The following RPS6KA5 variants were observed in gnomAD, a reference collection of about 807,000 sequenced individuals.
RPS6KA5 encodes ribosomal protein S6 kinase alpha-5.
In RPS6KA5, 27 loss-of-function variants were observed where a neutral mutation model predicts 85.5. The observed-to-expected ratio is 0.32, with a 90% CI of 0.23 to 0.44. The LOEUF (loss-of-function observed/expected upper bound fraction) is 0.44. Ranked by LOEUF, RPS6KA5 falls within the 20% of genes least tolerant of loss-of-function variation. The pLI, the probability that RPS6KA5 is intolerant of heterozygous loss-of-function variation, is 1.00. For synonymous variants in RPS6KA5, 334 were observed against 348.2 expected (o/e 0.96, Z 0.46); for missense variants, 811 against 980.9 (o/e 0.83, Z 2.31).
intron 9 of RPS6KA5, among the ~76,000 whole-genome samples, chr14:90,902,474 G>A (rs1007922876): frequency 6.6e-6 from 1 of 152,190 alleles, no homozygotes; most frequent in Non-Finnish European, 1.5e-5. Flanking sequence ...ATCAGAGTGA[G>A]ACCCTGTCTA....
intron 3 of RPS6KA5, among the ~76,000 whole-genome samples, chr14:90,965,596 A>G (rs1288596585): frequency 6.6e-6 from 1 of 152,144 alleles, no homozygotes; most frequent in East Asian, 1.9e-4. Context: ...GCAGTTCACG[A>G]GAGAGGGGTA....
chr14:91,005,882 G>A (rs1293761458), intron 1 of RPS6KA5, among the ~76,000 whole-genome samples: 1 of 152,126 alleles, frequency 6.6e-6, no homozygotes, highest in African/African-American at 2.4e-5. Context: ...CTGTATGTGT[G>A]AGTCATTCAC....
At position 90,869,701 on chromosome 14, in the gene RPS6KA5, T is replaced by C. The variant is rs920883701; in HGVS notation, c.*2373A>G. 5 of 152,222 alleles carry C rather than the reference T, an allele frequency of 3.3e-5. No individual in the cohort carries two copies. Among genetic ancestry groups the C allele is most frequent in the Non-Finnish European group, 5.9e-5 (4 of 68,034 alleles). The allele number at this position is 152,222 out of a possible 1,614,324, so 9.4% of individuals were successfully genotyped here. A position where few individuals can be genotyped will look rare whatever the true frequency, so the allele number is the denominator to read the frequency against. On this transcript the variant is annotated 3_prime_UTR_variant, in exon 17 of 17. Transcript: ENST00000614987. ...AGTGTTTATTTTTGATGTGACCAAA[T>C]GAAAGCTTTCTGAATTTTAAAGTGC...
rs1228360496 is a variant in RPS6KA5, at chr14:90,849,977, C to T, written c.*22097G>A. On this transcript the variant is annotated 3_prime_UTR_variant, in exon 17 of 17. Transcript: ENST00000614987. The stretch of plus-strand genomic sequence containing the variant: ...TTGGGAGGCCCAGGTGGCAGGATCG[C>T]TTGAGCCCAGCCTGGGCAACACTGT... 6.6e-6 allele frequency: 1 copy of T among 152,304 alleles called. No individual in the cohort carries two copies. Among genetic ancestry groups the T allele is most frequent in the Non-Finnish European group, 1.5e-5 (1 of 68,142 alleles). 9.4% of individuals were successfully genotyped at this position (152,304 alleles called of 1,614,324 possible).
chr14:91,037,401 T>C (rs985877108), intron 1 of RPS6KA5, among the ~76,000 whole-genome samples: 3 of 152,230 alleles, frequency 2.0e-5, no homozygotes, highest in African/African-American at 7.2e-5. Context: ...CCTAATGGTA[T>C]CACCATCTGG....
At chr14:91,059,199 G>C (rs1452620879) in intron 1 of RPS6KA5, among the ~76,000 whole-genome samples, 1 of 144,914 alleles carries the variant, frequency 6.9e-6, no homozygotes, top group Admixed American at 6.9e-5. Context: ...AATTAGCCGG[G>C]CATGGTGGCG....
chr14:90,915,568 A>G (rs924229517), intron 7 of RPS6KA5, among the ~76,000 whole-genome samples: 5 of 152,182 alleles, frequency 3.3e-5, no homozygotes, highest in African/African-American at 9.6e-5. Context: ...GCACTTTGGG[A>G]GGCTGAGGCA....
intron 5 of RPS6KA5, among the ~76,000 whole-genome samples, chr14:90,923,868 T>C (rs1018754102): frequency 1.3e-5 from 2 of 152,160 alleles, no homozygotes; most frequent in Non-Finnish European, 2.9e-5. Context: ...TAATATATCA[T>C]GCCTGAAAGT....
At chr14:91,055,047 G>A (rs1363111456) in intron 1 of RPS6KA5, among the ~76,000 whole-genome samples, 1 of 152,148 alleles carries the variant, frequency 6.6e-6, no homozygotes, top group East Asian at 1.9e-4. Flanking sequence ...CACATGAAAA[G>A]ATGCTTGTCA....
intron 5 of RPS6KA5, among the ~76,000 whole-genome samples, chr14:90,923,789 C>T (rs1443488476): frequency 6.6e-6 from 1 of 151,804 alleles, no homozygotes; most frequent in Non-Finnish European, 1.5e-5. Flanking sequence ...ACAAAACTGT[C>T]TTTAAAAAAA....
chr14:90,877,968 A>C (rs1002419678), intron 14 of RPS6KA5, among the ~76,000 whole-genome samples: 1 of 152,232 alleles, frequency 6.6e-6, no homozygotes, highest in Admixed American at 6.5e-5. Context: ...ATGGTTAATA[A>C]GTTTGTCTCT....
intron 1 of RPS6KA5, among the ~76,000 whole-genome samples, chr14:91,050,996 G>C (rs979931043): frequency 6.6e-6 from 1 of 152,192 alleles, no homozygotes; most frequent in Admixed American, 6.5e-5. Flanking sequence ...GGGAGGTCGA[G>C]GCAGGTGGAG....
intron 1 of RPS6KA5, among the ~76,000 whole-genome samples, chr14:91,037,815 T>C (rs1447781345): frequency 1.3e-5 from 2 of 152,212 alleles, no homozygotes; most frequent in Non-Finnish European, 2.9e-5. Flanking sequence ...CCCTTATTCA[T>C]CCTTATTATT....
intron 2 of RPS6KA5, among the ~76,000 whole-genome samples, chr14:90,982,879 C>T (rs1350043160): frequency 1.3e-5 from 2 of 152,032 alleles, no homozygotes; most frequent in African/African-American, 2.4e-5. Flanking sequence ...TTTGGGAGGC[C>T]GAGGCGGGCA....
intron 7 of RPS6KA5, among the ~76,000 whole-genome samples, chr14:90,906,546 T>C (rs954781784): frequency 1.1e-4 from 17 of 152,124 alleles, no homozygotes; most frequent in African/African-American, 4.1e-4. Context: ...TCAATCCTGG[T>C]GGGAGGCTAA....
Position 90,861,521 on chromosome 14 carries a change from C to CAA in RPS6KA5, c.*10551_*10552dup, listed in dbSNP as rs34479269. ...TGGGCGACAGAGCGAGACTCTGTCTCAAAAAAAAAAAAATAATGTCTTATG... is the reference window on the plus strand; with the variant it reads ...TGGGCGACAGAGCGAGACTCTGTCTCAAAAAAAAAAAAAAATAATGTCTTATG... On this transcript the variant is annotated 3_prime_UTR_variant, in exon 17 of 17. Coordinates refer to ENST00000614987, the MANE Select transcript of RPS6KA5 (RefSeq NM_004755.4). 69 of 121,126 alleles carry CAA rather than the reference C, an allele frequency of 5.7e-4. No individual in the cohort carries two copies. Among genetic ancestry groups the CAA allele is most frequent in the Admixed American group, 1.1e-3 (13 of 12,160 alleles). The allele number at this position is 121,126 out of a possible 1,614,324, so 7.5% of individuals were successfully genotyped here. A position where few individuals can be genotyped will look rare whatever the true frequency, so the allele number is the denominator to read the frequency against.
Position 90,981,120 on chromosome 14 carries a change from G to C in RPS6KA5, c.176-2596C>G, listed in dbSNP as rs529856169. On this transcript the variant is annotated intron_variant, in intron 2 of 16. Coordinates refer to ENST00000614987, the MANE Select transcript of RPS6KA5 (RefSeq NM_004755.4). ...TGGGAGATGGAGGTTGCAGTGAGCC[G>C]AGAGCGTGCCATCGCACTGCAGCCT... 1.7e-3 allele frequency among the ~76,000 whole-genome samples: 264 copies of C among 152,320 alleles called. 1 individual carries two copies. The highest frequency in any genetic ancestry group is 3.2e-3 in the Non-Finnish European group (215 of 68,026).
At chr14:90,960,288 C>T (rs1206087946) in intron 3 of RPS6KA5, among the ~76,000 whole-genome samples, 1 of 151,936 alleles carries the variant, frequency 6.6e-6, no homozygotes, top group Non-Finnish European at 1.5e-5. Context: ...GGGCATGCCC[C>T]TGAAAGTAAA....
chr14:90,859,700 C>G lies in RPS6KA5; in HGVS notation c.*12374G>C, dbSNP rs1034546533. The G allele has an allele frequency of 2.6e-5, 4 of 152,082 alleles. No homozygotes were observed. The highest frequency in any genetic ancestry group is 5.9e-5 in the Non-Finnish European group (4 of 68,014). 9.4% of individuals were successfully genotyped at this position (152,082 alleles called of 1,614,324 possible). The stretch of plus-strand genomic sequence containing the variant: ...ATGGAACATAGTATAACACACAATC[C>G]TAGAAAACGGGAGAGAGAAAACGGA... On this transcript the variant is annotated 3_prime_UTR_variant, in exon 17 of 17. Coordinates refer to ENST00000614987, the MANE Select transcript of RPS6KA5 (RefSeq NM_004755.4).
Sources: gnomAD v4.1 joint callset for allele counts (sites outside exome capture counted in the v4.1 genomes callset) on GRCh38, gnomAD v4.1.1 for gene constraint, MANE v1.5 for transcripts, NCBI Gene and HGNC (gene_info 2026-07-23, HGNC 2026-07-21) for gene names.